HPS1: variants seen among roughly 807,000 people sequenced by gnomAD.
HPS1 encodes BLOC-3 complex member HPS1.
A neutral mutation model predicts 90.6 loss-of-function variants in HPS1; 59 were observed. That is an observed-to-expected ratio of 0.65 (90% CI 0.53 to 0.81). The LOEUF (loss-of-function observed/expected upper bound fraction) is 0.81, where lower values mean the gene tolerates loss of function less well. HPS1 is among the 30% of genes least tolerant of loss of function. HPS1 has a pLI of 0.00. For synonymous variants in HPS1, 388 were observed against 384.4 expected (o/e 1.01, Z -0.11); for missense variants, 849 against 896.7 (o/e 0.95, Z 0.68).
At chr10:98,416,077 C>T (rs1455406182), downstream of HPS1, 1 of 152,326 alleles carries the variant, frequency 6.6e-6, no homozygotes, top group Non-Finnish European at 1.5e-5. Flanking sequence ...TGACGGAAAC[C>T]TGCTATTGGT....
intron 5 of HPS1, among the ~76,000 whole-genome samples, chr10:98,434,857 C>T (rs868693448): frequency 2.6e-5 from 4 of 151,710 alleles, no homozygotes; most frequent in South Asian, 2.1e-4. Flanking sequence ...AAAACCTTCA[C>T]GAGACTGTAT....
At chr10:98,425,782 T>C (rs574113186) in intron 12 of HPS1, 36 bp downstream of exon 12, 1 of 1,606,162 alleles carries the variant, frequency 6.2e-7, no homozygotes, top group Non-Finnish European at 8.5e-7. Context: ...GTGCCAACCC[T>C]AAGCATCATC....
chr10:98,427,357 A>G, intron 10 of HPS1, 93 bp from the exon 11 acceptor site: 2 of 1,083,044 alleles, frequency 1.8e-6, no homozygotes, highest in South Asian at 2.7e-5. Context: ...GGTGCCCCCC[A>G]CAACCTCAGC....
intron 3 of HPS1, among the ~76,000 whole-genome samples, chr10:98,439,013 C>T (rs902436827): frequency 6.6e-6 from 1 of 152,216 alleles, no homozygotes; most frequent in Non-Finnish European, 1.5e-5. Context: ...AAGCCCCAAG[C>T]TTTGGTGACC....
At chr10:98,418,367 G>A (rs766524085) in intron 18 of HPS1, 110 bp from the exon 19 acceptor site, 65 of 559,380 alleles carry the variant, frequency 1.2e-4, no homozygotes, top group South Asian at 4.4e-4. Context: ...CTGGGTGCTT[G>A]GGAAAATGCC....
chr10:98,431,309 G>C lies in HPS1; in HGVS notation c.508-18C>G, dbSNP rs1397393297. ...TCCAGGGCCTAGCCAGGGCAGGAAG[G>C]GAGAGGAAGCCATATCACCAACAAC... On this transcript the variant is annotated intron_variant, in intron 6 of 19. Transcript: ENST00000361490. 1 of 1,612,578 alleles carries C rather than the reference G, an allele frequency of 6.2e-7. No individual in the cohort carries two copies. The highest frequency in any genetic ancestry group is 1.3e-5 in the African/African-American group (1 of 74,934).
At chr10:98,432,374 C>A (rs1846599383) in intron 6 of HPS1, among the ~76,000 whole-genome samples, 1 of 152,208 alleles carries the variant, frequency 6.6e-6, no homozygotes, top group Non-Finnish European at 1.5e-5. Flanking sequence ...GATTTCCCCT[C>A]AAGGGCAGTG....
downstream of HPS1, chr10:98,413,994 G>A (rs1462945381): frequency 6.6e-6 from 1 of 151,950 alleles, no homozygotes; most frequent in East Asian, 1.9e-4. Context: ...TGTGTGCAGT[G>A]TATCTTTTAT....
At chr10:98,422,560 C>G (rs754759577) in intron 16 of HPS1, 47 bp from the exon 17 acceptor site, 1 of 1,599,146 alleles carries the variant, frequency 6.3e-7, no homozygotes, top group Non-Finnish European at 8.6e-7. Context: ...CTAGGGACGG[C>G]CTGCCTCTGT....
intron 2 of HPS1, among the ~76,000 whole-genome samples, chr10:98,443,784 G>A (rs1239259266): frequency 6.6e-6 from 1 of 152,210 alleles, no homozygotes; most frequent in Non-Finnish European, 1.5e-5. Context: ...TGTAATCCCA[G>A]CACTTTGGGA....
At chr10:98,428,064 G>C (rs1487391095) in intron 10 of HPS1, among the ~76,000 whole-genome samples, 2 of 152,198 alleles carry the variant, frequency 1.3e-5, no homozygotes, top group Non-Finnish European at 2.9e-5. Flanking sequence ...GGAGTGGTAA[G>C]AGGAACTTCG....
intron 6 of HPS1, among the ~76,000 whole-genome samples, chr10:98,432,193 G>C (rs1205342838): frequency 1.3e-5 from 2 of 152,204 alleles, no homozygotes; most frequent in African/African-American, 2.4e-5. Context: ...TGGTAGGCTT[G>C]GGAAGAGTTT....
At chr10:98,443,802 G>C (rs770580243) in intron 2 of HPS1, among the ~76,000 whole-genome samples, 12 of 152,314 alleles carry the variant, frequency 7.9e-5, no homozygotes, top group East Asian at 1.9e-4. Flanking sequence ...GGAGGCCAAG[G>C]GGGGTGGATC....
rs1847127077 is a variant in HPS1, at chr10:98,435,175, T to C, written c.398+97A>G. 6.8e-7 allele frequency: 1 copy of C among 1,464,158 alleles called. No individual in the cohort carries two copies. The highest frequency in any genetic ancestry group is 9.5e-7 in the Non-Finnish European group (1 of 1,047,124). The allele number at this position is 1,464,158 out of a possible 1,614,324, so 90.7% of individuals were successfully genotyped here. A position where few individuals can be genotyped will look rare whatever the true frequency, so the allele number is the denominator to read the frequency against. ...CCTAGGGACCCAGCTGGGGGCAGTA[T>C]GTGAAAAATGGCAGCTTCACAGGGG... On this transcript the variant is annotated intron_variant, in intron 5 of 19. Coordinates refer to ENST00000361490, the MANE Select transcript of HPS1 (RefSeq NM_000195.5). This position sits in a 1 kb window ranked among gnomAD's most constrained non-coding sequence, Gnocchi z 4.3.
At chr10:98,433,504 C>G (rs1305393390) in intron 6 of HPS1, among the ~76,000 whole-genome samples, 2 of 152,054 alleles carry the variant, frequency 1.3e-5, no homozygotes, top group African/African-American at 4.8e-5. Context: ...GACCAGTAGC[C>G]ACTTTAACTT....
chr10:98,443,819 A>G (rs1447583664), intron 2 of HPS1, among the ~76,000 whole-genome samples: 1 of 152,060 alleles, frequency 6.6e-6, no homozygotes, highest in Non-Finnish European at 1.5e-5. Flanking sequence ...GATCACCTGA[A>G]GTCAGGAGTT....
At chr10:98,427,959 C>T (rs1035807193) in intron 10 of HPS1, among the ~76,000 whole-genome samples, 3 of 152,140 alleles carry the variant, frequency 2.0e-5, no homozygotes, top group Admixed American at 6.5e-5. Flanking sequence ...GAGTTCTCTG[C>T]ACGGTGGAAC....
intron 19 of HPS1, 172 bp downstream of exon 19, chr10:98,418,003 T>A (rs1285369171): frequency 1.6e-6 from 1 of 633,362 alleles, no homozygotes; most frequent in Non-Finnish European, 2.8e-6. Flanking sequence ...AGATGTACCC[T>A]CCACACCCGT....
In HPS1 at chr10:98,423,806, C is replaced by G. The variant is rs934000557; in HGVS notation, c.1479G>C (p.Arg493Ser). ...RLNFLTTAPS[R>S]GGPHLPQHLQ... Reference sequence around the variant, plus strand: ...GGTGCTGGGGCAGGTGTGGGCCTCCCCTGCTGGGGGCTGTGGTCAGAAAGT... The same window carrying G: ...GGTGCTGGGGCAGGTGTGGGCCTCCGCTGCTGGGGGCTGTGGTCAGAAAGT... Residue 493 changes from arginine (R) to serine (S), a missense_variant, in exon 15 of 20, where the codon AGG becomes AGC. Transcript: ENST00000361490. 6.2e-7 allele frequency: 1 copy of G among 1,613,914 alleles called. No individual in the cohort carries two copies. The highest frequency in any genetic ancestry group is 2.2e-5 in the East Asian group (1 of 44,882).
Sources: allele counts gnomAD v4.1 joint callset (sites outside exome capture counted in the v4.1 genomes callset), GRCh38; gene constraint gnomAD v4.1.1; non-coding constraint Gnocchi (gnomAD v3.1); transcripts MANE v1.5; gene names NCBI Gene and HGNC (gene_info 2026-07-23, HGNC 2026-07-21).